Variants in TPP1 observed in about 807,000 individuals in gnomAD.
TPP1 encodes tripeptidyl peptidase 1, also known as tripeptidyl-peptidase 1.
In TPP1, 43 loss-of-function variants were observed where a neutral mutation model predicts 67.6. The ratio of observed to expected loss-of-function variants is 0.64; its 90% CI spans 0.50 to 0.82. The LOEUF (loss-of-function observed/expected upper bound fraction) is 0.82, where lower values mean the gene tolerates loss of function less well. Ranked by LOEUF, TPP1 falls within the 40% of genes least tolerant of loss-of-function variation. The probability of loss-of-function intolerance (pLI) is 0.00; values close to 1 mark genes in which losing one functional copy is unlikely to be tolerated. For synonymous variants in TPP1, 272 were observed against 281.5 expected, an observed-to-expected ratio of 0.97 and a Z score of 0.34; for missense variants, 671 against 710.9, an observed-to-expected ratio of 0.94 and a Z score of 0.64.
intron 11 of TPP1, 25 bp downstream of exon 11, chr11:6,615,146 A>T (rs1408103241): frequency 6.2e-7 from 1 of 1,613,926 alleles, no homozygotes; most frequent in Non-Finnish European, 8.5e-7. Flanking sequence ...CCTGAGTGAG[A>T]GTTTGGAGAT....
In TPP1 at chr11:6,619,375, A is replaced by G. The variant is rs2134599187; in HGVS notation, c.17+9T>C. ...GATCCCTTTCTCCCGAGCCCTCTCA[A>G]TTTCTCACCAGGCTTGGAGTCCCAT... On this transcript the variant is annotated intron_variant, in intron 1 of 12. Transcript: ENST00000299427. 2 of 1,614,068 alleles carry G rather than the reference A, an allele frequency of 1.2e-6. No homozygotes were observed. The highest frequency in any genetic ancestry group is 8.5e-7 in the Non-Finnish European group (1 of 1,180,000).
intron 9 of TPP1, 125 bp from the exon 10 acceptor site, chr11:6,615,687 G>T: frequency 7.8e-7 from 1 of 1,278,862 alleles, no homozygotes. Flanking sequence ...GCATGTATAT[G>T]GGATTGACTA....
chr11:6,612,839 T>C lies in TPP1; in HGVS notation c.*1707A>G, dbSNP rs1855517508. ...TAGGACCTGGGAACACAAAGTTAAA[T>C]AGGACACGATTCTAGTCCTCTAGGC... On this transcript the variant is annotated 3_prime_UTR_variant, in exon 13 of 13. Transcript: ENST00000299427. 4 of 152,622 alleles carry C rather than the reference T, an allele frequency of 2.6e-5. No individual in the cohort carries two copies. The highest frequency in any genetic ancestry group is 2.9e-5 in the Non-Finnish European group (2 of 68,040). 9.5% of individuals were successfully genotyped at this position (152,622 alleles called of 1,614,324 possible).
At chr11:6,618,679 G>T in intron 3 of TPP1, 97 bp downstream of exon 3, 3 of 1,544,108 alleles carry the variant, frequency 1.9e-6, no homozygotes, top group Non-Finnish European at 1.8e-6. Flanking sequence ...GAACACAAGT[G>T]TCTTGGCAGG....
chr11:6,617,694 C>A lies in TPP1; in HGVS notation c.312G>T (p.Leu104Phe). 1 of 1,614,224 alleles carries A rather than the reference C, an allele frequency of 6.2e-7. No homozygotes were observed. Among genetic ancestry groups the A allele is most frequent in the Admixed American group, 1.7e-5 (1 of 60,030 alleles). Reference protein sequence around the residue: ...LTLHTVQKWLLAAGAQKCHSV... With the variant: ...LTLHTVQKWLFAAGAQKCHSV... ...AATGGCACTTCTGGGCTCCGGCTGC[C>A]AAGAGCCATTTTTGCACCGTGTGGA... The change falls in exon 4 of 13, where the codon TTG (leucine) becomes TTT (phenylalanine). Residue 104 changes from leucine (L) to phenylalanine (F), a missense_variant. By Grantham distance (22) the Leu-to-Phe change is conservative. Coordinates refer to ENST00000299427, the MANE Select transcript of TPP1 (RefSeq NM_000391.4).
intron 2 of TPP1, 124 bp from the exon 3 acceptor site, chr11:6,619,039 A>C: frequency 6.7e-7 from 1 of 1,487,240 alleles, no homozygotes. Context: ...TACAGATCAC[A>C]TGAGGTGAAT....
Position 6,614,236 on chromosome 11 carries a change from T to G in TPP1, c.*310A>C. ...ATATCAAGTGAAATAGTGCACAGAG[T>G]CTGTATACAACCCTTTGGAAAAGCC... On this transcript the variant is annotated 3_prime_UTR_variant, in exon 13 of 13. Transcript: ENST00000299427. 1 of 435,296 alleles carries G rather than the reference T, an allele frequency of 2.3e-6. No individual in the cohort carries two copies. Among genetic ancestry groups the G allele is most frequent in the East Asian group, 4.5e-5 (1 of 22,234 alleles). 27.0% of individuals were successfully genotyped at this position (435,296 alleles called of 1,614,324 possible).
chr11:6,618,726 C>G, intron 3 of TPP1, 50 bp downstream of exon 3: 1 of 1,610,368 alleles, frequency 6.2e-7, no homozygotes, highest in South Asian at 1.1e-5. Flanking sequence ...CAACCCAGCC[C>G]TGTGTCCCTC....
rs1250102838 is a variant in TPP1 at position 6,617,611 on chromosome 11, A to G, written c.380+15T>C. 1.2e-6 allele frequency: 2 copies of G among 1,613,954 alleles called. No homozygotes were observed. The highest frequency in any genetic ancestry group is 2.2e-5 in the East Asian group (1 of 44,888). On this transcript the variant is annotated intron_variant, in intron 4 of 12. Transcript: ENST00000299427. ...GATGACTGGTGCCCTCCATGGAGCA[A>G]TCATTTCCTCTCACCGGATGCTCAG... is the stretch of plus-strand genomic sequence containing the variant.
At position 6,616,863 on chromosome 11, in the gene TPP1, T is replaced by C. The variant is rs370683758; in HGVS notation, c.688-4A>G. Reference sequence around the variant, plus strand: ...CATGGAAATACTGCTCCAGGAACTATGGAGGGAGTCAGAGCAGAGATCGTG... The same window carrying C: ...CATGGAAATACTGCTCCAGGAACTACGGAGGGAGTCAGAGCAGAGATCGTG... On this transcript the variant is annotated splice_polypyrimidine_tract_variant and splice_region_variant and intron_variant, in intron 6 of 12. Coordinates refer to ENST00000299427, the MANE Select transcript of TPP1 (RefSeq NM_000391.4). 14 of 1,613,752 alleles carry C rather than the reference T, an allele frequency of 8.7e-6. 1 individual carries two copies. In the African/African-American group the frequency reaches 1.9e-4, roughly 22 times the overall value.
Position 6,614,432 on chromosome 11 carries a change from T to C in TPP1, c.*114A>G. The C allele has an allele frequency of 7.0e-7, 1 of 1,436,430 alleles. No individual in the cohort carries two copies. 89.0% of individuals were successfully genotyped at this position (1,436,430 alleles called of 1,614,324 possible). A position where few individuals can be genotyped will look rare whatever the true frequency, so the allele number is the denominator to read the frequency against. ...GCATTTCAGGGTTAGGGAGATAAGC[T>C]GTCTGCAGCAGTCAATAGTTGAGGG... On this transcript the variant is annotated 3_prime_UTR_variant, in exon 13 of 13. Transcript: ENST00000299427.
rs952588563 is a variant in TPP1, at chr11:6,613,661, A to G, written c.*885T>C. Reference sequence around the variant, plus strand: ...TGGAAGGACTTGTGGACTGATAAAGATATATTTAAGATGTGCAGTCAGTAG... The same window carrying G: ...TGGAAGGACTTGTGGACTGATAAAGGTATATTTAAGATGTGCAGTCAGTAG... On this transcript the variant is annotated 3_prime_UTR_variant, in exon 13 of 13. Coordinates refer to ENST00000299427, the MANE Select transcript of TPP1 (RefSeq NM_000391.4). 6.6e-6 allele frequency: 1 copy of G among 152,664 alleles called. No individual in the cohort carries two copies. The highest frequency in any genetic ancestry group is 1.5e-5 in the Non-Finnish European group (1 of 68,058). 9.5% of individuals were successfully genotyped at this position (152,664 alleles called of 1,614,324 possible).
In TPP1 at chr11:6,614,501, C is replaced by A; in HGVS notation, c.*45G>T. 6.2e-7 allele frequency: 1 copy of A among 1,613,846 alleles called. No homozygotes were observed. The highest frequency in any genetic ancestry group is 8.5e-7 in the Non-Finnish European group (1 of 1,179,906). ...AGGGCAGAATAAGGGACTGAACTGCCAGCTTCAGGGCAGGGGACAAGCCAT... is the reference window on the plus strand; with the variant it reads ...AGGGCAGAATAAGGGACTGAACTGCAAGCTTCAGGGCAGGGGACAAGCCAT... On this transcript the variant is annotated 3_prime_UTR_variant, in exon 13 of 13. Transcript: ENST00000299427.
Position 6,614,336 on chromosome 11 carries a change from A to C in TPP1, c.*210T>G. ...GCTAGTTACAGCATCTTATTGAGGAATCTAAGGCAGGAGTAGGGAGACCTG... is the reference window on the plus strand; with the variant it reads ...GCTAGTTACAGCATCTTATTGAGGACTCTAAGGCAGGAGTAGGGAGACCTG... On this transcript the variant is annotated 3_prime_UTR_variant, in exon 13 of 13. Transcript: ENST00000299427. 1 of 620,298 alleles carries C rather than the reference A, an allele frequency of 1.6e-6. No homozygotes were observed. Among genetic ancestry groups the C allele is most frequent in the Non-Finnish European group, 2.8e-6 (1 of 355,094 alleles). 38.4% of individuals were successfully genotyped at this position (620,298 alleles called of 1,614,324 possible). A position where few individuals can be genotyped will look rare whatever the true frequency, so the allele number is the denominator to read the frequency against.
In TPP1 at chr11:6,619,179, G is replaced by C. The variant is rs1487660965; in HGVS notation, c.89+17C>G. 6.2e-7 allele frequency: 1 copy of C among 1,613,952 alleles called. No homozygotes were observed. Among genetic ancestry groups the C allele is most frequent in the South Asian group, 1.1e-5 (1 of 91,064 alleles). ...CAGGGTATGGGGAAGGGGGCAGTCT[G>C]TGCTAAGTCAACTCACGTCCTCCGC... On this transcript the variant is annotated intron_variant, in intron 2 of 12. Transcript: ENST00000299427.
rs769552465 is a variant in TPP1 at position 6,619,397 on chromosome 11, C to G, written c.4G>C (p.Gly2Arg). 1.2e-6 allele frequency: 2 copies of G among 1,614,208 alleles called. No homozygotes were observed. The highest frequency in any genetic ancestry group is 3.3e-5 in the Admixed American group (2 of 60,026). ...TCAATTTCTCACCAGGCTTGGAGTC[C>G]CATTCTGCCCTTCCGCGGATCTGCT... MGLQACLLGLFA... is the reference protein window; with the variant it reads MRLQACLLGLFA... Residue 2 changes from glycine (G) to arginine (R), a missense_variant, in exon 1 of 13, where the codon GGA becomes CGA. Gly to Arg is a moderately radical substitution (Grantham distance 125). Transcript: ENST00000299427.
At chr11:6,615,805 A>C in intron 9 of TPP1, 200 bp downstream of exon 9, 1 of 786,044 alleles carries the variant, frequency 1.3e-6, no homozygotes, top group East Asian at 2.7e-5. Context: ...ACGAAAAGGA[A>C]CAATGGGAGC....
chr11:6,615,946 T>A, intron 9 of TPP1, 59 bp downstream of exon 9: 5 of 1,580,636 alleles, frequency 3.2e-6, no homozygotes, highest in Non-Finnish European at 4.3e-6. Context: ...AGGTTCTACA[T>A]CATGAGATCA....
intron 8 of TPP1, 72 bp from the exon 9 acceptor site, chr11:6,616,146 G>A (rs1357764161): frequency 6.2e-7 from 1 of 1,601,146 alleles, no homozygotes; most frequent in African/African-American, 1.3e-5. Flanking sequence ...TGTCAGAGGG[G>A]AAATTTGTTA....
Sources: gnomAD v4.1 joint callset for allele counts on GRCh38, gnomAD v4.1.1 for gene constraint, MANE v1.5 for transcripts, NCBI Gene and HGNC (gene_info 2026-07-23, HGNC 2026-07-21) for gene names.